The following MAD1L1 variants were observed in gnomAD, a reference collection of about 807,000 sequenced individuals.
MAD1L1 encodes the protein mitotic arrest deficient 1 like 1.
Under a neutral mutation model 96.9 loss-of-function variants are expected in MAD1L1, and 95 were observed. The ratio of observed to expected loss-of-function variants is 0.98; its 90% CI spans 0.83 to 1.16. The LOEUF is 1.16. Among genes scored for constraint, MAD1L1 ranks in the 50% most tolerant of loss-of-function variants. MAD1L1 has a pLI of 0.00. For synonymous variants in MAD1L1, 473 were observed against 396.6 expected, an observed-to-expected ratio of 1.19 and a Z score of -2.29; for missense variants, 1,007 against 954.4, an observed-to-expected ratio of 1.06 and a Z score of -0.73.
At chr7:1,837,357 G>T (rs1365089234) in intron 18 of MAD1L1, among the ~76,000 whole-genome samples, 1 of 152,236 alleles carries the variant, frequency 6.6e-6, no homozygotes, top group Non-Finnish European at 1.5e-5. Flanking sequence ...CTGCTGATAG[G>T]AATGGAAAAT....
At chr7:1,849,142 A>T (rs1783822863) in intron 18 of MAD1L1, 1 of 153,462 alleles carries the variant, frequency 6.5e-6, no homozygotes, top group South Asian at 2.0e-4. Context: ...ACACACGTAC[A>T]CACATGCACA....
At chr7:1,962,808 G>GT (rs1482177526) in intron 15 of MAD1L1, among the ~76,000 whole-genome samples, 11 of 152,330 alleles carry the variant, frequency 7.2e-5, no homozygotes, top group Non-Finnish European at 1.6e-4. Flanking sequence ...CTAGCCGGGT[G>GT]TGGTGGTGCA....
At chr7:1,914,676 C>T (rs1442548491) in intron 17 of MAD1L1, among the ~76,000 whole-genome samples, 3 of 152,184 alleles carry the variant, frequency 2.0e-5, no homozygotes, top group African/African-American at 4.8e-5. Flanking sequence ...AACAGGGGTG[C>T]GATCACAGCT....
At chr7:2,062,135 G>A (rs945799897) in intron 12 of MAD1L1, among the ~76,000 whole-genome samples, 13 of 151,998 alleles carry the variant, frequency 8.6e-5, no homozygotes, top group South Asian at 2.1e-4. Flanking sequence ...CCAGCTCCTC[G>A]GGAGGCTGAG....
At chr7:1,940,756 G>A (rs1175717071) in intron 16 of MAD1L1, among the ~76,000 whole-genome samples, 4 of 152,208 alleles carry the variant, frequency 2.6e-5, no homozygotes, top group Non-Finnish European at 5.9e-5. Flanking sequence ...CAGATAACCC[G>A]CGTGTGTCCC....
intron 12 of MAD1L1, among the ~76,000 whole-genome samples, chr7:2,015,544 C>T (rs1321766952): frequency 6.6e-6 from 1 of 152,248 alleles, no homozygotes; most frequent in African/African-American, 2.4e-5. Context: ...CCAAAAAGGA[C>T]GTGCTGCTGC....
chr7:1,959,742 C>T (rs923993394), intron 15 of MAD1L1, among the ~76,000 whole-genome samples: 6 of 152,180 alleles, frequency 3.9e-5, no homozygotes, highest in East Asian at 3.8e-4. Flanking sequence ...AGATCAGACA[C>T]GAAAGCTTAA....
intron 14 of MAD1L1, among the ~76,000 whole-genome samples, chr7:1,981,387 G>T (rs767125445): frequency 6.6e-6 from 1 of 152,168 alleles, no homozygotes; most frequent in South Asian, 2.1e-4. Context: ...GGGCACAGAC[G>T]GGGGCCTGGT....
intron 17 of MAD1L1, among the ~76,000 whole-genome samples, chr7:1,902,628 T>C (rs1048907109): frequency 5.9e-5 from 9 of 152,184 alleles, no homozygotes; most frequent in African/African-American, 2.2e-4. Context: ...GCCTGAGCTA[T>C]ACCCACGCAG....
chr7:1,986,805 C>G (rs1781171957), intron 14 of MAD1L1, among the ~76,000 whole-genome samples: 1 of 152,068 alleles, frequency 6.6e-6, no homozygotes, highest in African/African-American at 2.4e-5. Context: ...ATGTTCAGAG[C>G]AAAAAATCAA....
chr7:2,140,000 C>G (rs1276940072), intron 11 of MAD1L1, among the ~76,000 whole-genome samples: 1 of 151,486 alleles, frequency 6.6e-6, no homozygotes, highest in East Asian at 1.9e-4. Flanking sequence ...CGCCCCCCCC[C>G]AGTCCCTGCC....
chr7:1,958,734 C>G lies in MAD1L1; in HGVS notation c.1506-1015G>C, dbSNP rs1020628948. 1.3e-5 allele frequency among the ~76,000 whole-genome samples: 2 copies of G among 152,204 alleles called. 1 individual carries two copies. Among genetic ancestry groups the G allele is most frequent in the Non-Finnish European group, 2.9e-5 (2 of 68,042 alleles). ...AAGAGATTAACCAAACAACGAATACCTACCAAGACGCAGCATTGCACAGAC... is the reference window on the plus strand; with the variant it reads ...AAGAGATTAACCAAACAACGAATACGTACCAAGACGCAGCATTGCACAGAC... On this transcript the variant is annotated intron_variant, in intron 15 of 18. Transcript: ENST00000265854.
At chr7:2,118,372 C>G (rs1238849856) in intron 11 of MAD1L1, among the ~76,000 whole-genome samples, 1 of 152,254 alleles carries the variant, frequency 6.6e-6, no homozygotes, top group Non-Finnish European at 1.5e-5. Context: ...CCCTCCTGAC[C>G]AGCAGGACCT....
At chr7:2,063,160 A>T (rs1447961827) in intron 12 of MAD1L1, among the ~76,000 whole-genome samples, 1 of 152,136 alleles carries the variant, frequency 6.6e-6, no homozygotes, top group Non-Finnish European at 1.5e-5. Flanking sequence ...AGCTGTATGT[A>T]TATGTTCTAT....
chr7:1,886,537 G>A (rs891738873), intron 18 of MAD1L1, among the ~76,000 whole-genome samples: 1 of 152,234 alleles, frequency 6.6e-6, no homozygotes, highest in Non-Finnish European at 1.5e-5. Flanking sequence ...AGAGCACGGT[G>A]GCACGGGCGG....
chr7:2,001,738 G>A (rs900666759), intron 14 of MAD1L1, among the ~76,000 whole-genome samples: 10 of 152,198 alleles, frequency 6.6e-5, no homozygotes, highest in South Asian at 2.1e-4. Flanking sequence ...TGTCCAGTTC[G>A]CTGCTGGACA....
intron 4 of MAD1L1, 71 bp from the exon 5 acceptor site, chr7:2,222,825 C>T: frequency 1.6e-6 from 2 of 1,259,114 alleles, no homozygotes; most frequent in Non-Finnish European, 1.1e-6. Flanking sequence ...CTCACCCCCA[C>T]ACCTCTCTCA....
At chr7:1,931,262 G>A (rs1019672421) in intron 17 of MAD1L1, among the ~76,000 whole-genome samples, 4 of 152,108 alleles carry the variant, frequency 2.6e-5, no homozygotes, top group Admixed American at 6.5e-5. Context: ...ACGGTCACAG[G>A]AGCGAGGGCG....
intron 18 of MAD1L1, among the ~76,000 whole-genome samples, chr7:1,888,410 CTG>C (rs1479959893): frequency 7.2e-6 from 1 of 139,666 alleles, no homozygotes; most frequent in African/African-American, 2.9e-5. Flanking sequence ...GTGTGGCTGC[CTG>C]TGCATGTGAG....
Sources: gnomAD v4.1 joint callset for allele counts (sites outside exome capture counted in the v4.1 genomes callset) on GRCh38, gnomAD v4.1.1 for gene constraint, MANE v1.5 for transcripts, NCBI Gene and HGNC (gene_info 2026-07-23, HGNC 2026-07-21) for gene names.